COLGALT2: variants seen among roughly 807,000 people sequenced by gnomAD.
COLGALT2 encodes procollagen galactosyltransferase 2.
In COLGALT2, 49 loss-of-function variants were observed where a neutral mutation model predicts 73.4. The ratio of observed to expected loss-of-function variants is 0.67; its 90% CI spans 0.53 to 0.85. The LOEUF (loss-of-function observed/expected upper bound fraction) is 0.85, where lower values mean the gene tolerates loss of function less well. Ranked by LOEUF, COLGALT2 falls within the 40% of genes least tolerant of loss-of-function variation. The probability of loss-of-function intolerance (pLI) is 0.00; values close to 1 mark genes in which losing one functional copy is unlikely to be tolerated. For missense variants in COLGALT2, 722 were observed against 790.2 expected, an observed-to-expected ratio of 0.91 and a Z score of 1.03; for synonymous variants, 295 against 307.6, an observed-to-expected ratio of 0.96 and a Z score of 0.43.
At chr1:184,029,272 C>G (rs377446649) in intron 1 of COLGALT2, among the ~76,000 whole-genome samples, 1 of 152,172 alleles carries the variant, frequency 6.6e-6, no homozygotes. Context: ...AGCTTTCCTA[C>G]CAGAGGAGTA....
At chr1:183,997,133 A>G (rs1297670972) in intron 1 of COLGALT2, among the ~76,000 whole-genome samples, 2 of 152,184 alleles carry the variant, frequency 1.3e-5, no homozygotes, top group African/African-American at 4.8e-5. Flanking sequence ...AAGTAAATCA[A>G]TTTACTTCTC....
intron 1 of COLGALT2, among the ~76,000 whole-genome samples, chr1:184,012,500 T>C (rs1648841711): frequency 1.3e-5 from 2 of 152,232 alleles, no homozygotes; most frequent in Admixed American, 6.5e-5. Context: ...TAAGTATGGA[T>C]GACTCTTGGA....
intron 1 of COLGALT2, among the ~76,000 whole-genome samples, chr1:183,997,790 GTAGGC>G (rs1558330998): frequency 6.6e-6 from 1 of 152,180 alleles, no homozygotes; most frequent in African/African-American, 2.4e-5. Context: ...TGTGTTTTCT[GTAGGC>G]TTAACACTGA....
intron 1 of COLGALT2, among the ~76,000 whole-genome samples, chr1:183,979,775 C>G (rs1671298788): frequency 1.3e-5 from 2 of 151,936 alleles, no homozygotes; most frequent in Non-Finnish European, 2.9e-5. Flanking sequence ...AAAGATGGTA[C>G]AAATGGGGAA....
chr1:183,935,908 A>G lies in COLGALT2; in HGVS notation c.*2853T>C. 1.0e-6 allele frequency: 1 copy of G among 985,426 alleles called. No homozygotes were observed. Among genetic ancestry groups the G allele is most frequent in the Non-Finnish European group, 1.2e-6 (1 of 829,934 alleles). 61.0% of individuals were successfully genotyped at this position (985,426 alleles called of 1,614,324 possible). On this transcript the variant is annotated 3_prime_UTR_variant, in exon 12 of 12. Transcript: ENST00000361927. Reference sequence around the variant, plus strand: ...ATAGTTTATCACTTCCCCACTCTGAAATAGCACGCAAGACAGATGATGCAG... The same window carrying G: ...ATAGTTTATCACTTCCCCACTCTGAGATAGCACGCAAGACAGATGATGCAG...
chr1:184,027,267 C>CT (rs1322248273), intron 1 of COLGALT2, among the ~76,000 whole-genome samples: 2 of 152,192 alleles, frequency 1.3e-5, no homozygotes, highest in Admixed American at 1.3e-4. Context: ...TTTCCAAACT[C>CT]TGAAAATCCC....
chr1:183,960,239 A>G (rs543360767), intron 6 of COLGALT2, among the ~76,000 whole-genome samples: 8 of 152,256 alleles, frequency 5.3e-5, no homozygotes, highest in African/African-American at 1.9e-4. Flanking sequence ...CTCGAACTTT[A>G]TTTCTGCCTA....
intron 1 of COLGALT2, among the ~76,000 whole-genome samples, chr1:183,986,624 CTT>C (rs1671495137): frequency 6.6e-6 from 1 of 152,108 alleles, no homozygotes. Context: ...AATTAATAAA[CTT>C]AATTAAACAT....
chr1:184,028,701 T>C (rs1469478109), intron 1 of COLGALT2, among the ~76,000 whole-genome samples: 1 of 152,202 alleles, frequency 6.6e-6, no homozygotes, highest in African/African-American at 2.4e-5. Context: ...CCCAGACTCA[T>C]CTTCTACCAT....
chr1:183,967,781 G>A (rs1041435460), intron 5 of COLGALT2, among the ~76,000 whole-genome samples: 2 of 152,168 alleles, frequency 1.3e-5, no homozygotes, highest in Admixed American at 1.3e-4. Flanking sequence ...CCCATCCTGG[G>A]GAAGTCAGAG....
chr1:184,020,456 A>T (rs959623046), intron 1 of COLGALT2, among the ~76,000 whole-genome samples: 1 of 152,194 alleles, frequency 6.6e-6, no homozygotes, highest in Non-Finnish European at 1.5e-5. Flanking sequence ...AATCTGACCT[A>T]AGTCCAAAAA....
At chr1:184,031,273 A>G (rs181552822) in intron 1 of COLGALT2, among the ~76,000 whole-genome samples, 11 of 152,366 alleles carry the variant, frequency 7.2e-5, no homozygotes, top group Non-Finnish European at 8.8e-5. Context: ...TTTGCCACTA[A>G]TAATACTTGA....
At chr1:183,935,667 C>T, downstream of COLGALT2, among the ~76,000 whole-genome samples, 1 of 152,162 alleles carries the variant, frequency 6.6e-6, no homozygotes, top group East Asian at 1.9e-4. Context: ...TAAAACAACC[C>T]TCACTGCACA....
intron 1 of COLGALT2, 63 bp downstream of exon 1, chr1:184,037,032 G>T: frequency 7.7e-7 from 1 of 1,290,774 alleles, no homozygotes; most frequent in Non-Finnish European, 9.8e-7. Flanking sequence ...TCCGGGCGCT[G>T]TCCGCGCTGG....
intron 8 of COLGALT2, among the ~76,000 whole-genome samples, chr1:183,947,262 T>C (rs975116135): frequency 2.0e-5 from 3 of 152,148 alleles, no homozygotes; most frequent in African/African-American, 4.8e-5. Flanking sequence ...CAGACATCTA[T>C]AGAACATTCC....
intron 1 of COLGALT2, among the ~76,000 whole-genome samples, chr1:184,001,450 T>C (rs1357208242): frequency 1.3e-5 from 2 of 152,164 alleles, no homozygotes; most frequent in Non-Finnish European, 2.9e-5. Flanking sequence ...AATATACTTC[T>C]GGAATTCCAA....
rs964772063 is a variant in COLGALT2, at chr1:183,937,799, G to A, written c.*962C>T. Reference sequence around the variant, plus strand: ...AAATATAATGAAAAAACTCTGGCAAGGATAGTTGCTGGCCTGAAAATGTGC... The same window carrying A: ...AAATATAATGAAAAAACTCTGGCAAAGATAGTTGCTGGCCTGAAAATGTGC... On this transcript the variant is annotated 3_prime_UTR_variant, in exon 12 of 12. Coordinates refer to ENST00000361927, the MANE Select transcript of COLGALT2 (RefSeq NM_015101.4). The A allele has an allele frequency of 7.1e-6, 7 of 985,288 alleles. No individual in the cohort carries two copies. Among genetic ancestry groups the A allele is most frequent in the Non-Finnish European group, 8.4e-6 (7 of 829,934 alleles). 61.0% of individuals were successfully genotyped at this position (985,288 alleles called of 1,614,324 possible).
intron 1 of COLGALT2, among the ~76,000 whole-genome samples, chr1:184,020,329 T>C (rs1649136457): frequency 6.6e-6 from 1 of 152,196 alleles, no homozygotes; most frequent in Non-Finnish European, 1.5e-5. Context: ...AATAATATAG[T>C]TAAATGGATT....
chr1:183,972,921 A>T (rs189750144), intron 4 of COLGALT2, among the ~76,000 whole-genome samples: 2 of 152,104 alleles, frequency 1.3e-5, no homozygotes, highest in East Asian at 1.9e-4. Flanking sequence ...GGATGGTCTC[A>T]ATCTCCTGAC....
Sources: gnomAD v4.1 joint callset for allele counts (sites outside exome capture counted in the v4.1 genomes callset) on GRCh38, gnomAD v4.1.1 for gene constraint, MANE v1.5 for transcripts, NCBI Gene and HGNC (gene_info 2026-07-23, HGNC 2026-07-21) for gene names.